The following RAB27B variants were observed in gnomAD, a reference collection of about 807,000 sequenced individuals.
RAB27B encodes RAB27B, member RAS oncogene family.
In RAB27B, 15 loss-of-function variants were observed where a neutral mutation model predicts 24.6. The observed-to-expected ratio is 0.61, with a 90% CI of 0.41 to 0.94. The LOEUF (loss-of-function observed/expected upper bound fraction) is 0.94, where lower values mean the gene tolerates loss of function less well. Ranked by LOEUF, RAB27B falls within the 40% of genes least tolerant of loss-of-function variation. The pLI, the probability that RAB27B is intolerant of heterozygous loss-of-function variation, is 0.00. For synonymous variants in RAB27B, 105 were observed against 92.5 expected (o/e 1.14, Z -0.78); for missense variants, 261 against 266.8 (o/e 0.98, Z 0.15).
At chr18:54,822,124 T>C (rs1910329762) in intron 2 of RAB27B, among the ~76,000 whole-genome samples, 1 of 152,168 alleles carries the variant, frequency 6.6e-6, no homozygotes, top group Admixed American at 6.5e-5. Context: ...ATTTCCCAAA[T>C]TATACCTTAA....
chr18:54,881,340 G>C (rs1912916206), intron 3 of RAB27B, among the ~76,000 whole-genome samples: 2 of 152,174 alleles, frequency 1.3e-5, no homozygotes, highest in Admixed American at 1.3e-4. Flanking sequence ...TAAAGGGGAG[G>C]GCTGGAAAGT....
chr18:54,743,511 G>A (rs1392919299), intron 2 of RAB27B, among the ~76,000 whole-genome samples: 1 of 152,188 alleles, frequency 6.6e-6, no homozygotes, highest in Non-Finnish European at 1.5e-5. Context: ...CTCAGTCCAT[G>A]TGGAACTTAG....
intron 2 of RAB27B, among the ~76,000 whole-genome samples, chr18:54,738,398 C>T (rs912427959): frequency 1.3e-5 from 2 of 152,008 alleles, no homozygotes; most frequent in African/African-American, 4.8e-5. Context: ...GTGGTTTCTC[C>T]CATGCTGTTC....
rs529329962 is a variant in RAB27B at position 54,855,170 on chromosome 18, G to T, written c.-19-22397G>T. 2.3e-3 allele frequency among the ~76,000 whole-genome samples: 343 copies of T among 152,294 alleles called. 3 individuals carry two copies. Among genetic ancestry groups the T allele is most frequent in the African/African-American group, 8.0e-3 (332 of 41,564 alleles). The stretch of plus-strand genomic sequence containing the variant: ...TCCCTTGCATGTGCAGTTCACAATA[G>T]AATTCATGCTCCTGTGAGAATCTAA... On this transcript the variant is annotated intron_variant, in intron 1 of 5. Coordinates refer to ENST00000262094, the MANE Select transcript of RAB27B (RefSeq NM_004163.4).
chr18:54,854,561 A>T (rs1446341376), intron 1 of RAB27B, among the ~76,000 whole-genome samples: 1 of 145,552 alleles, frequency 6.9e-6, no homozygotes, highest in East Asian at 1.9e-4. Flanking sequence ...TGTAGAGATT[A>T]AAAAAATAAT....
chr18:54,744,481 C>T (rs1032522310), intron 2 of RAB27B, among the ~76,000 whole-genome samples: 1 of 152,284 alleles, frequency 6.6e-6, no homozygotes, highest in East Asian at 1.9e-4. Flanking sequence ...CCAAGGCTAT[C>T]TGAGGAAGAA....
chr18:54,807,255 T>G (rs1909820897), intron 2 of RAB27B, among the ~76,000 whole-genome samples: 1 of 152,196 alleles, frequency 6.6e-6, no homozygotes, highest in Admixed American at 6.5e-5. Context: ...TTAACTAGCC[T>G]TTAGTTTTAA....
rs1913385863 is a variant in RAB27B at position 54,891,992 on chromosome 18, C to G, written c.*2579C>G. On this transcript the variant is annotated 3_prime_UTR_variant, in exon 6 of 6. Transcript: ENST00000262094. ...ATGTAATCATTATTAGAAATTCCTT[C>G]TCTCATTATTTCAGGATTAGTAGTT... 1 of 152,022 alleles carries G rather than the reference C, an allele frequency of 6.6e-6. No individual in the cohort carries two copies. The highest frequency in any genetic ancestry group is 2.1e-4 in the South Asian group (1 of 4,828). The allele number at this position is 152,022 out of a possible 1,614,324, so 9.4% of individuals were successfully genotyped here.
intron 1 of RAB27B, among the ~76,000 whole-genome samples, chr18:54,835,251 A>T (rs1459909057): frequency 6.6e-6 from 1 of 151,936 alleles, no homozygotes; most frequent in Non-Finnish European, 1.5e-5. Flanking sequence ...GAGGTGCCAC[A>T]TATTGACTCA....
chr18:54,787,785 G>A lies in RAB27B; in HGVS notation c.-20+69644G>A, dbSNP rs140531270. Among the ~76,000 whole-genome samples the A allele has an allele frequency of 2.3e-3, 347 of 151,636 alleles. 1 individual carries two copies. Among genetic ancestry groups the A allele is most frequent in the African/African-American group, 7.8e-3 (321 of 41,346 alleles). ...AATCACTAGTGAGATGGTCCAATGAGGTTTATGAAGAATTTATGGCTTTGG... is the reference window on the plus strand; with the variant it reads ...AATCACTAGTGAGATGGTCCAATGAAGTTTATGAAGAATTTATGGCTTTGG... On this transcript the variant is annotated intron_variant, in intron 2 of 4. Transcript: ENST00000586570.
chr18:54,803,394 CAAG>C (rs889441673), intron 2 of RAB27B, among the ~76,000 whole-genome samples: 7 of 152,134 alleles, frequency 4.6e-5, no homozygotes, highest in Admixed American at 1.3e-4. Flanking sequence ...CAGAGTGCAG[CAAG>C]CAAGAGGGCA....
intron 2 of RAB27B, among the ~76,000 whole-genome samples, chr18:54,770,235 C>G (rs1440070716): frequency 6.6e-6 from 1 of 152,114 alleles, no homozygotes; most frequent in Non-Finnish European, 1.5e-5. Context: ...GGAACAGGGC[C>G]ACATAGCAGG....
chr18:54,862,878 A>G (rs1331575671), intron 1 of RAB27B, among the ~76,000 whole-genome samples: 1 of 152,244 alleles, frequency 6.6e-6, no homozygotes, highest in East Asian at 1.9e-4. Context: ...TTGTCAAATA[A>G]CAAACATTTC....
At chr18:54,867,345 T>G (rs1202969567) in intron 1 of RAB27B, among the ~76,000 whole-genome samples, 1 of 152,070 alleles carries the variant, frequency 6.6e-6, no homozygotes, top group Non-Finnish European at 1.5e-5. Flanking sequence ...AGAGTGGTAC[T>G]GAACAATAGC....
intron 2 of RAB27B, among the ~76,000 whole-genome samples, chr18:54,767,980 C>T (rs908601275): frequency 6.6e-6 from 1 of 151,930 alleles, no homozygotes; most frequent in African/African-American, 2.4e-5. Flanking sequence ...AGAGATAGTC[C>T]CTTCTTCCAA....
At chr18:54,815,221 G>C (rs546191299) in intron 2 of RAB27B, among the ~76,000 whole-genome samples, 1 of 152,248 alleles carries the variant, frequency 6.6e-6, no homozygotes, top group African/African-American at 2.4e-5. Flanking sequence ...TTTTCCAAGG[G>C]TCAGACTAAT....
chr18:54,750,477 C>T (rs1382265822), intron 2 of RAB27B, among the ~76,000 whole-genome samples: 1 of 152,128 alleles, frequency 6.6e-6, no homozygotes, highest in African/African-American at 2.4e-5. Context: ...ACCTATTCAT[C>T]GTTAGTCAAT....
rs1598972494 is a variant in RAB27B, at chr18:54,864,483, C to T, written c.-19-13084C>T. On this transcript the variant is annotated intron_variant, in intron 1 of 5. Coordinates refer to ENST00000262094, the MANE Select transcript of RAB27B (RefSeq NM_004163.4). ...CTTTTTTTCATGGTGTCTATTGAAGCACAAAAGTTTTTATTTTTTTTTCTT... is the reference window on the plus strand; with the variant it reads ...CTTTTTTTCATGGTGTCTATTGAAGTACAAAAGTTTTTATTTTTTTTTCTT... Among the ~76,000 whole-genome samples, 9 of 148,290 alleles carry T rather than the reference C, an allele frequency of 6.1e-5. 1 individual carries two copies. In the South Asian group the frequency reaches 2.0e-3, roughly 33 times the overall value.
chr18:54,870,596 T>C (rs986930891), intron 1 of RAB27B, among the ~76,000 whole-genome samples: 1 of 152,166 alleles, frequency 6.6e-6, no homozygotes, highest in African/African-American at 2.4e-5. Context: ...TGATTGTACA[T>C]CTAGAAAATT....
Sources: gnomAD v4.1 joint callset for allele counts (sites outside exome capture counted in the v4.1 genomes callset) on GRCh38, gnomAD v4.1.1 for gene constraint, MANE v1.5 for transcripts, NCBI Gene and HGNC (gene_info 2026-07-23, HGNC 2026-07-21) for gene names.